Variants in RPS6KA2 observed in about 807,000 individuals in gnomAD.
The protein encoded by RPS6KA2 is ribosomal protein S6 kinase A2, also known as ribosomal protein S6 kinase alpha-2.
Under a neutral mutation model 91.8 loss-of-function variants are expected in RPS6KA2, and 42 were observed. That is an observed-to-expected ratio of 0.46 (90% CI 0.36 to 0.59). The LOEUF is 0.59. Among genes scored for constraint, RPS6KA2 ranks in the 20% least tolerant of loss-of-function variants. The probability of loss-of-function intolerance (pLI) is 0.00; values close to 1 mark genes in which losing one functional copy is unlikely to be tolerated. For synonymous variants in RPS6KA2, 414 were observed against 393.6 expected (o/e 1.05, Z -0.61); for missense variants, 798 against 978.5 (o/e 0.82, Z 2.46).
intron 17 of RPS6KA2, among the ~76,000 whole-genome samples, chr6:166,422,906 G>C (rs577645000): frequency 6.6e-6 from 1 of 152,204 alleles, no homozygotes; most frequent in Non-Finnish European, 1.5e-5. Context: ...CAGGTGAACC[G>C]CAGCTCTGCG....
intron 2 of RPS6KA2, among the ~76,000 whole-genome samples, chr6:166,760,255 A>C (rs1020499660): frequency 1.3e-5 from 2 of 152,268 alleles, no homozygotes; most frequent in African/African-American, 4.8e-5. Flanking sequence ...TCTGGTGAAC[A>C]AATATTTCCT....
intron 19 of RPS6KA2, 22 bp from the exon 20 acceptor site, chr6:166,413,953 G>A (rs1166626413): frequency 1.2e-6 from 2 of 1,610,722 alleles, no homozygotes; most frequent in Non-Finnish European, 8.5e-7. Flanking sequence ...GGTCATGAGA[G>A]TCGGGGGGAT....
chr6:166,834,361 A>G (rs971311902), intron 2 of RPS6KA2, among the ~76,000 whole-genome samples: 2 of 152,248 alleles, frequency 1.3e-5, no homozygotes, highest in African/African-American at 4.8e-5. Context: ...CAGCAGGAAC[A>G]GAAAACTGAA....
At chr6:166,832,335 CAT>C (rs1336303314) in intron 2 of RPS6KA2, among the ~76,000 whole-genome samples, 1 of 152,086 alleles carries the variant, frequency 6.6e-6, no homozygotes, top group Non-Finnish European at 1.5e-5. Flanking sequence ...GCTCTCAGCA[CAT>C]GTTTGGATTT....
intron 1 of RPS6KA2, among the ~76,000 whole-genome samples, chr6:166,621,344 T>C (rs1786626106): frequency 6.6e-6 from 1 of 152,198 alleles, no homozygotes; most frequent in Non-Finnish European, 1.5e-5. Context: ...GCTGCACCAT[T>C]ATTTTCCCCT....
At chr6:166,721,027 ACTAGT>A (rs1790156083) in intron 2 of RPS6KA2, among the ~76,000 whole-genome samples, 1 of 152,240 alleles carries the variant, frequency 6.6e-6, no homozygotes, top group South Asian at 2.1e-4. Flanking sequence ...AAATGACCCC[ACTAGT>A]CTGTGTACCT....
In RPS6KA2 at chr6:166,413,240, G is replaced by A. The variant is rs538355466; in HGVS notation, c.2077-353C>T. Among the ~76,000 whole-genome samples the A allele has an allele frequency of 2.6e-5, 4 of 152,260 alleles. No individual in the cohort carries two copies. The East Asian group carries it at 7.7e-4, about 29-fold the overall frequency. ...GCCAGGTCTGTTTTGGGGCTCGCTG[G>A]GTCCTAGGGGACACAGCGAATGCCA... On this transcript the variant is annotated intron_variant, in intron 20 of 20. Transcript: ENST00000265678.
chr6:166,538,859 T>C lies in RPS6KA2; in HGVS notation c.100-75A>G, dbSNP rs1783565857. ...AGCCGCTCACAGCTTCCTCCTCCCCTGAGTTTACCACGAGCTGGGTCTGTT... is the reference window on the plus strand; with the variant it reads ...AGCCGCTCACAGCTTCCTCCTCCCCCGAGTTTACCACGAGCTGGGTCTGTT... On this transcript the variant is annotated intron_variant, in intron 1 of 20. Coordinates refer to ENST00000265678, the MANE Select transcript of RPS6KA2 (RefSeq NM_021135.6). The C allele has an allele frequency of 8.1e-6, 6 of 742,686 alleles. No individual in the cohort carries two copies. The South Asian group carries it at 9.8e-5, about 12-fold the overall frequency. The allele number at this position is 742,686 out of a possible 1,614,324, so 46.0% of individuals were successfully genotyped here.
At chr6:166,450,959 G>T in intron 13 of RPS6KA2, 144 bp downstream of exon 13, 2 of 949,702 alleles carry the variant, frequency 2.1e-6, no homozygotes, top group Non-Finnish European at 3.2e-6. Context: ...AGAACAATGG[G>T]AAGTGTGAGG....
intron 2 of RPS6KA2, among the ~76,000 whole-genome samples, chr6:166,650,342 T>C (rs1787812520): frequency 6.6e-6 from 1 of 150,926 alleles, no homozygotes; most frequent in Non-Finnish European, 1.5e-5. Flanking sequence ...CACCAGGAAC[T>C]GGGGTAGCAA....
chr6:166,817,793 G>A (rs1414522352), intron 2 of RPS6KA2, among the ~76,000 whole-genome samples: 2 of 151,468 alleles, frequency 1.3e-5, no homozygotes, highest in Non-Finnish European at 1.5e-5. Flanking sequence ...TGCGATCTTG[G>A]CTCACTGCAA....
At chr6:166,660,314 G>GTGTGTGTGTGTGCATA (rs1788125151) in intron 2 of RPS6KA2, among the ~76,000 whole-genome samples, 2 of 151,370 alleles carry the variant, frequency 1.3e-5, no homozygotes, top group South Asian at 4.2e-4. Context: ...GTGTGTGCAT[G>GTGTGTGTGTGTGCATA]TGTGTGTGTG....
intron 1 of RPS6KA2, among the ~76,000 whole-genome samples, chr6:166,559,773 T>C (rs1784285589): frequency 6.6e-6 from 1 of 152,230 alleles, no homozygotes; most frequent in Non-Finnish European, 1.5e-5. Context: ...TTATACCATA[T>C]ATTAGATGTA....
chr6:166,412,896 C>T lies in RPS6KA2; in HGVS notation c.2077-9G>A, dbSNP rs1778362013. On this transcript the variant is annotated splice_polypyrimidine_tract_variant and intron_variant, in intron 20 of 20. Transcript: ENST00000265678. The surrounding 1 kb of genome is among the most constrained non-coding windows in gnomAD (Gnocchi z 4.3). ...GTGGCGGCCATCGCGCCCTGCAAAACAGAAGACAAGGGTGAGAGCCGCGGC... is the reference window on the plus strand; with the variant it reads ...GTGGCGGCCATCGCGCCCTGCAAAATAGAAGACAAGGGTGAGAGCCGCGGC... The T allele has an allele frequency of 6.5e-7, 1 of 1,549,248 alleles. No homozygotes were observed. The highest frequency in any genetic ancestry group is 8.7e-7 in the Non-Finnish European group (1 of 1,145,878).
chr6:166,539,075 C>T (rs1783574205), intron 1 of RPS6KA2, among the ~76,000 whole-genome samples: 1 of 152,058 alleles, frequency 6.6e-6, no homozygotes, highest in Non-Finnish European at 1.5e-5. Context: ...CCATGCCCAC[C>T]TAATTTTTGT....
rs566562745 is a variant in RPS6KA2, at chr6:166,496,959, C to T, written c.747+1549G>A. 9.2e-5 allele frequency among the ~76,000 whole-genome samples: 14 copies of T among 152,338 alleles called. No homozygotes were observed. In the South Asian group the frequency reaches 1.4e-3, roughly 16 times the overall value. Reference sequence around the variant, plus strand: ...GTGGGAGGTCTCCACAGGGCTATCCCCGCTGCCCTCACCCACCACTCACCA... The same window carrying T: ...GTGGGAGGTCTCCACAGGGCTATCCTCGCTGCCCTCACCCACCACTCACCA... On this transcript the variant is annotated intron_variant, in intron 8 of 20. Transcript: ENST00000265678.
intron 2 of RPS6KA2, among the ~76,000 whole-genome samples, chr6:166,532,059 T>C (rs1274369083): frequency 6.6e-6 from 1 of 152,248 alleles, no homozygotes; most frequent in Non-Finnish European, 1.5e-5. Flanking sequence ...AAATATCTGC[T>C]TGCATGATGG....
rs1778905170 is a variant in RPS6KA2 at position 166,426,043 on chromosome 6, T to C, written c.1582-2626A>G. Among the ~76,000 whole-genome samples the C allele has an allele frequency of 3.3e-5, 5 of 151,970 alleles. No homozygotes were observed. The South Asian group carries it at 6.3e-4, about 19-fold the overall frequency. On this transcript the variant is annotated intron_variant, in intron 16 of 20. Transcript: ENST00000265678. ...CACACCTATTCCAAAATTGACCACATAGTTGGAAGTAAAGCTCTCCTCAGC... is the reference window on the plus strand; with the variant it reads ...CACACCTATTCCAAAATTGACCACACAGTTGGAAGTAAAGCTCTCCTCAGC...
intron 1 of RPS6KA2, among the ~76,000 whole-genome samples, chr6:166,613,276 G>A (rs978591119): frequency 1.3e-5 from 2 of 152,238 alleles, no homozygotes; most frequent in South Asian, 2.1e-4. Flanking sequence ...CCATTCAGGC[G>A]GCTGGGGTGC....
Sources: gnomAD v4.1 joint callset for allele counts (sites outside exome capture counted in the v4.1 genomes callset) on GRCh38, gnomAD v4.1.1 for gene constraint, Gnocchi (gnomAD v3.1) non-coding constraint, MANE v1.5 for transcripts, NCBI Gene and HGNC (gene_info 2026-07-23, HGNC 2026-07-21) for gene names.